The following SORCS1 variants were observed in gnomAD, a reference collection of about 807,000 sequenced individuals.
The protein encoded by SORCS1 is VPS10 domain-containing receptor SorCS1.
SORCS1 carries 60 observed loss-of-function variants against 146.1 expected under a neutral mutation model. The observed-to-expected ratio is 0.41, with a 90% CI of 0.33 to 0.51. The LOEUF is 0.51. SORCS1 is among the 20% of genes least tolerant of loss of function. SORCS1 has a pLI of 0.21. For missense variants in SORCS1, 1,352 were observed against 1,487.6 expected, an observed-to-expected ratio of 0.91 and a Z score of 1.50; for synonymous variants, 637 against 584.0, an observed-to-expected ratio of 1.09 and a Z score of -1.31.
intron 9 of SORCS1, among the ~76,000 whole-genome samples, chr10:106,694,306 G>T (rs1042197511): frequency 6.6e-6 from 1 of 152,030 alleles, no homozygotes; most frequent in African/African-American, 2.4e-5. Flanking sequence ...GTCTTGCTCT[G>T]TCGCCCAGGC....
intron 19 of SORCS1, among the ~76,000 whole-genome samples, chr10:106,628,167 G>C (rs367550096): frequency 1.3e-5 from 2 of 152,196 alleles, no homozygotes; most frequent in Admixed American, 1.3e-4. Context: ...TCTGCCATGA[G>C]AGTACAGGAG....
intron 1 of SORCS1, among the ~76,000 whole-genome samples, chr10:107,147,233 T>A (rs1968405451): frequency 6.6e-6 from 1 of 152,192 alleles, no homozygotes; most frequent in Admixed American, 6.5e-5. Context: ...TAATGCAATA[T>A]GTCCTCGTCA....
chr10:106,898,760 A>C (rs1951585675), intron 2 of SORCS1, among the ~76,000 whole-genome samples: 1 of 152,192 alleles, frequency 6.6e-6, no homozygotes, highest in African/African-American at 2.4e-5. Context: ...CCAAAGAAAT[A>C]GCTCCTAATT....
intron 3 of SORCS1, among the ~76,000 whole-genome samples, chr10:106,815,087 G>A (rs561315072): frequency 1.1e-4 from 17 of 151,990 alleles, no homozygotes; most frequent in African/African-American, 3.6e-4. Context: ...AGCCTCCCGA[G>A]TAGCTGGGAT....
chr10:107,049,440 C>A (rs1336708878), intron 1 of SORCS1, among the ~76,000 whole-genome samples: 1 of 152,046 alleles, frequency 6.6e-6, no homozygotes, highest in African/African-American at 2.4e-5. Flanking sequence ...CACCCCAGGG[C>A]AGGTGGTGAG....
chr10:106,887,596 T>C (rs1951049805), intron 2 of SORCS1, among the ~76,000 whole-genome samples: 1 of 151,998 alleles, frequency 6.6e-6, no homozygotes, highest in Non-Finnish European at 1.5e-5. Flanking sequence ...TAAATAAATA[T>C]AACCTCCTAA....
intron 2 of SORCS1, among the ~76,000 whole-genome samples, chr10:106,854,855 G>C (rs745916158): frequency 6.6e-6 from 1 of 152,048 alleles, no homozygotes; most frequent in East Asian, 1.9e-4. Context: ...ATGAGCATAC[G>C]TAATTGAATA....
At chr10:106,727,896 G>A (rs577801183) in intron 6 of SORCS1, among the ~76,000 whole-genome samples, 12 of 152,246 alleles carry the variant, frequency 7.9e-5, no homozygotes, top group Middle Eastern at 3.4e-3. Flanking sequence ...TTGAAAACCC[G>A]CCTAAAGGCC....
At chr10:106,669,953 A>G (rs1851462740) in intron 16 of SORCS1, among the ~76,000 whole-genome samples, 1 of 152,244 alleles carries the variant, frequency 6.6e-6, no homozygotes, top group Non-Finnish European at 1.5e-5. Flanking sequence ...TGTACACAGT[A>G]TCTCAGTTCA....
intron 1 of SORCS1, among the ~76,000 whole-genome samples, chr10:107,021,278 C>A (rs938793023): frequency 2.0e-5 from 3 of 151,566 alleles, no homozygotes; most frequent in African/African-American, 7.3e-5. Flanking sequence ...TTTGGGAGGC[C>A]GAGGCAGGTG....
At chr10:107,057,114 G>A (rs1029090242) in intron 1 of SORCS1, among the ~76,000 whole-genome samples, 28 of 152,054 alleles carry the variant, frequency 1.8e-4, no homozygotes, top group African/African-American at 6.5e-4. Context: ...ACACAAAGAA[G>A]TAAAAAACAC....
At chr10:106,584,461 T>C (rs1198226601) in intron 24 of SORCS1, among the ~76,000 whole-genome samples, 2 of 152,072 alleles carry the variant, frequency 1.3e-5, no homozygotes, top group Non-Finnish European at 2.9e-5. Context: ...AAGTAAAGAG[T>C]AAACAGTCAT....
chr10:106,976,334 T>TG (rs1956010874), intron 1 of SORCS1, among the ~76,000 whole-genome samples: 1 of 69,956 alleles, frequency 1.4e-5, no homozygotes, highest in African/African-American at 7.2e-5. Flanking sequence ...GGTTTTTTTG[T>TG]TTTTTTTTTT....
At chr10:106,991,876 A>T (rs1956785477) in intron 1 of SORCS1, among the ~76,000 whole-genome samples, 1 of 152,248 alleles carries the variant, frequency 6.6e-6, no homozygotes, top group South Asian at 2.1e-4. Context: ...ACAACTATGT[A>T]AACGTCTCAT....
chr10:106,928,879 G>A (rs1026630331), intron 2 of SORCS1, among the ~76,000 whole-genome samples: 1 of 150,156 alleles, frequency 6.7e-6, no homozygotes, highest in African/African-American at 2.4e-5. Context: ...TAAACTTTCT[G>A]TATTTTTCCA....
upstream of SORCS1, among the ~76,000 whole-genome samples, chr10:107,165,199 C>G (rs562948548): frequency 6.6e-6 from 1 of 151,892 alleles, no homozygotes; most frequent in African/African-American, 2.4e-5. This position sits in a 1 kb window ranked among gnomAD's most constrained non-coding sequence, Gnocchi z 4.0. Context: ...GCATCTTGAC[C>G]TTACCCGCAG....
chr10:106,750,055 G>T (rs1451897823), intron 5 of SORCS1, among the ~76,000 whole-genome samples: 2 of 152,146 alleles, frequency 1.3e-5, no homozygotes, highest in African/African-American at 4.8e-5. Flanking sequence ...ATACAAAGAC[G>T]TGAAGCAAAC....
At chr10:106,613,439 G>C (rs1317070221) in intron 21 of SORCS1, among the ~76,000 whole-genome samples, 2 of 152,180 alleles carry the variant, frequency 1.3e-5, no homozygotes, top group African/African-American at 4.8e-5. Context: ...AGCCAAAGTC[G>C]CTGGCAGAGG....
chr10:107,071,310 A>G (rs1020621357), intron 1 of SORCS1, among the ~76,000 whole-genome samples: 1 of 152,034 alleles, frequency 6.6e-6, no homozygotes, highest in Admixed American at 6.6e-5. Flanking sequence ...CTCCTTTACT[A>G]CCGTAACAGT....
Sources: gnomAD v4.1 joint callset for allele counts (sites outside exome capture counted in the v4.1 genomes callset) on GRCh38, gnomAD v4.1.1 for gene constraint, Gnocchi (gnomAD v3.1) non-coding constraint, MANE v1.5 for transcripts, NCBI Gene and HGNC (gene_info 2026-07-23, HGNC 2026-07-21) for gene names.